Variants in NAA11 observed in about 807,000 individuals in gnomAD.
The protein encoded by NAA11 is N-alpha-acetyltransferase 11, NatA catalytic subunit.
Under a neutral mutation model 16.1 loss-of-function variants are expected in NAA11, and 15 were observed. That is an observed-to-expected ratio of 0.93 (90% CI 0.62 to 1.44). The LOEUF is 1.44. Among genes scored for constraint, NAA11 ranks in the 40% most tolerant of loss-of-function variants. The probability of loss-of-function intolerance (pLI) is 0.00; values close to 1 mark genes in which losing one functional copy is unlikely to be tolerated. For synonymous variants in NAA11, 122 were observed against 112.4 expected, an observed-to-expected ratio of 1.09 and a Z score of -0.54; for missense variants, 298 against 291.3, an observed-to-expected ratio of 1.02 and a Z score of -0.17.
At chr4:79,191,429 A>G in the NAA11 span, among the ~76,000 whole-genome samples, 3 of 151,704 alleles carry the variant, frequency 2.0e-5, no homozygotes, top group Non-Finnish European at 4.4e-5. Context: ...TCTAATGATC[A>G]GTGATATTGA....
At chr4:79,290,332 TATCCCAGATATGAAGCTCA>T (rs1455184677) in intron 2 of NAA11, among the ~76,000 whole-genome samples, 1 of 152,178 alleles carries the variant, frequency 6.6e-6, no homozygotes, top group African/African-American at 2.4e-5. Context: ...TGGTGTGCTC[TATCCCAGATATGAAGCTCA>T]ACAAAGTAAC....
the NAA11 span, among the ~76,000 whole-genome samples, chr4:79,178,288 C>T: frequency 7.2e-5 from 11 of 152,202 alleles, no homozygotes; most frequent in South Asian, 1.9e-3. Context: ...ACTAGGAAAA[C>T]GGCGAACAAT....
At chr4:79,311,118 T>C (rs1286918744) in intron 1 of NAA11, among the ~76,000 whole-genome samples, 1 of 152,140 alleles carries the variant, frequency 6.6e-6, no homozygotes, top group East Asian at 1.9e-4. Flanking sequence ...AGCTTTACAT[T>C]CTAAGATAAG....
chr4:79,323,982 G>T (rs1724180350), intron 1 of NAA11, among the ~76,000 whole-genome samples: 1 of 148,090 alleles, frequency 6.8e-6, no homozygotes, highest in South Asian at 2.2e-4. Context: ...CAGCCTGGGC[G>T]ACAGAACGAG....
At chr4:79,322,447 T>C (rs190374385) in intron 1 of NAA11, among the ~76,000 whole-genome samples, 3 of 152,196 alleles carry the variant, frequency 2.0e-5, no homozygotes, top group East Asian at 1.9e-4. Flanking sequence ...TTGTTTCTCA[T>C]AGCAGATATT....
chr4:79,215,364 A>C, the NAA11 span, among the ~76,000 whole-genome samples: 1 of 152,194 alleles, frequency 6.6e-6, no homozygotes, highest in Non-Finnish European at 1.5e-5. Context: ...AATAACTGTA[A>C]AATATGCTGG....
chr4:79,198,242 A>G, the NAA11 span, among the ~76,000 whole-genome samples: 1 of 151,860 alleles, frequency 6.6e-6, no homozygotes, highest in African/African-American at 2.4e-5. Context: ...GGTAGATTCT[A>G]TGCCTCCTTC....
chr4:79,196,953 G>GATAAAAAAA, the NAA11 span, among the ~76,000 whole-genome samples: 2 of 896 alleles, frequency 2.2e-3, no homozygotes, highest in African/African-American at 3.0e-3. Flanking sequence ...AGATGAAAAA[G>GATAAAAAAA]ACAAAAAAAA....
At chr4:79,214,231 A>G in the NAA11 span, among the ~76,000 whole-genome samples, 1 of 152,212 alleles carries the variant, frequency 6.6e-6, no homozygotes, top group African/African-American at 2.4e-5. Flanking sequence ...ACTGGAAGGA[A>G]GTAGTAAGGA....
At chr4:79,175,888 A>G in the NAA11 span, among the ~76,000 whole-genome samples, 1 of 152,186 alleles carries the variant, frequency 6.6e-6, no homozygotes, top group African/African-American at 2.4e-5. Flanking sequence ...TAGAAACTAC[A>G]TCTAAGGCTA....
intron 2 of NAA11, among the ~76,000 whole-genome samples, chr4:79,261,284 T>G (rs1000152447): frequency 6.6e-6 from 1 of 152,200 alleles, no homozygotes; most frequent in Non-Finnish European, 1.5e-5. Context: ...CTATCTTCCT[T>G]GTATGCTTCA....
intron 1 of NAA11, among the ~76,000 whole-genome samples, chr4:79,296,446 A>G (rs1723224674): frequency 6.6e-6 from 1 of 152,178 alleles, no homozygotes. Context: ...GCACTTATAG[A>G]ACATTTATAA....
chr4:79,319,937 T>C (rs527328085), intron 1 of NAA11, among the ~76,000 whole-genome samples: 12 of 152,356 alleles, frequency 7.9e-5, no homozygotes, highest in Middle Eastern at 6.8e-3. Context: ...TAACAACTTT[T>C]TGTTAGAATG....
intron 2 of NAA11, among the ~76,000 whole-genome samples, chr4:79,242,540 T>C (rs1471969832): frequency 2.0e-5 from 3 of 152,238 alleles, no homozygotes; most frequent in Admixed American, 6.5e-5. Flanking sequence ...CTTCCAAATG[T>C]ATTTCTTCAT....
At chr4:79,313,653 A>C (rs1412112594), downstream of NAA11, among the ~76,000 whole-genome samples, 1 of 152,212 alleles carries the variant, frequency 6.6e-6, no homozygotes. Context: ...CATGGTGTTT[A>C]AATAACCCTT....
the NAA11 span, among the ~76,000 whole-genome samples, chr4:79,219,295 G>A: frequency 6.6e-6 from 1 of 152,112 alleles, no homozygotes; most frequent in African/African-American, 2.4e-5. Flanking sequence ...TCCTCACCAT[G>A]ATGGACCTTG....
At chr4:79,245,707 T>C (rs1224102925) in intron 2 of NAA11, among the ~76,000 whole-genome samples, 1 of 146,574 alleles carries the variant, frequency 6.8e-6, no homozygotes, top group Admixed American at 6.7e-5. Context: ...CTCTGCCTGT[T>C]CGCCCCCTCT....
At chr4:79,253,438 T>C (rs1274419201) in intron 2 of NAA11, among the ~76,000 whole-genome samples, 3 of 152,110 alleles carry the variant, frequency 2.0e-5, no homozygotes, top group Admixed American at 1.3e-4. Context: ...GAGAAGAGGC[T>C]GAGGGCTGAG....
chr4:79,187,985 T>C, the NAA11 span, among the ~76,000 whole-genome samples: 92 of 102,872 alleles, frequency 8.9e-4, no homozygotes, highest in Non-Finnish European at 1.2e-3. Flanking sequence ...GGCGACAGAG[T>C]GAGACTCCGT....
Sources: allele counts gnomAD v4.1 joint callset (sites outside exome capture counted in the v4.1 genomes callset), GRCh38; gene constraint gnomAD v4.1.1; transcripts MANE v1.5; gene names NCBI Gene and HGNC (gene_info 2026-07-23, HGNC 2026-07-21).